Variants in ZCCHC7 observed in about 807,000 individuals in gnomAD.
ZCCHC7 encodes zinc finger CCHC domain-containing protein 7.
A neutral mutation model predicts 52.0 loss-of-function variants in ZCCHC7; 35 were observed. That is an observed-to-expected ratio of 0.67 (90% CI 0.51 to 0.89). ZCCHC7 has a LOEUF of 0.89. ZCCHC7 is among the 40% of genes least tolerant of loss of function. The pLI, the probability that ZCCHC7 is intolerant of heterozygous loss-of-function variation, is 0.00. For synonymous variants in ZCCHC7, 217 were observed against 221.5 expected, an observed-to-expected ratio of 0.98 and a Z score of 0.18; for missense variants, 574 against 649.1, an observed-to-expected ratio of 0.88 and a Z score of 1.26.
chr9:37,267,196 A>C (rs1827146407), intron 2 of ZCCHC7, among the ~76,000 whole-genome samples: 1 of 152,184 alleles, frequency 6.6e-6, no homozygotes, highest in Non-Finnish European at 1.5e-5. Flanking sequence ...TATTCTGATG[A>C]CCTGTTTTGA....
intron 2 of ZCCHC7, among the ~76,000 whole-genome samples, chr9:37,170,795 C>T (rs962743101): frequency 4.6e-5 from 7 of 152,116 alleles, no homozygotes; most frequent in Non-Finnish European, 1.0e-4. Context: ...TCTCATTGTC[C>T]CAACCTTTTA....
intron 2 of ZCCHC7, among the ~76,000 whole-genome samples, chr9:37,246,732 A>G (rs1206780128): frequency 2.0e-5 from 3 of 152,182 alleles, no homozygotes; most frequent in Non-Finnish European, 4.4e-5. Context: ...TCAACTAACC[A>G]TGGGTGGAAA....
At chr9:37,140,763 T>G (rs1843185719) in intron 2 of ZCCHC7, among the ~76,000 whole-genome samples, 1 of 151,904 alleles carries the variant, frequency 6.6e-6, no homozygotes, top group African/African-American at 2.4e-5. Context: ...GTCAGAGGAG[T>G]TCAAGTCGAT....
intron 6 of ZCCHC7, among the ~76,000 whole-genome samples, chr9:37,336,551 A>C (rs1444595943): frequency 6.6e-6 from 1 of 152,084 alleles, no homozygotes; most frequent in Non-Finnish European, 1.5e-5. Flanking sequence ...AAAAATGAAA[A>C]TCTTGGGGTT....
chr9:37,216,976 T>A (rs1824542045), intron 2 of ZCCHC7, among the ~76,000 whole-genome samples: 1 of 152,164 alleles, frequency 6.6e-6, no homozygotes, highest in African/African-American at 2.4e-5. Context: ...AGGAAAATAC[T>A]ATAAAATGCA....
intron 6 of ZCCHC7, among the ~76,000 whole-genome samples, chr9:37,345,013 C>T (rs77746690): frequency 0.052 from 7,850 of 152,218 alleles, 659 homozygotes; most frequent in African/African-American, 0.18. Context: ...GGAAAAGTGA[C>T]CTATGTTCTG....
intron 2 of ZCCHC7, among the ~76,000 whole-genome samples, chr9:37,193,896 T>C (rs1823148229): frequency 1.3e-5 from 2 of 152,182 alleles, no homozygotes; most frequent in African/African-American, 4.8e-5. Context: ...CCATGAAGCT[T>C]GTCCTGTGTG....
chr9:37,287,861 A>G (rs1369751828), intron 2 of ZCCHC7, among the ~76,000 whole-genome samples: 1 of 151,992 alleles, frequency 6.6e-6, no homozygotes, highest in East Asian at 1.9e-4. Context: ...TTGCTCCATA[A>G]AAGTATTCTG....
intron 2 of ZCCHC7, among the ~76,000 whole-genome samples, chr9:37,261,972 T>A (rs540176085): frequency 8.5e-5 from 13 of 152,276 alleles, no homozygotes; most frequent in African/African-American, 2.4e-4. Context: ...CGCACACTCA[T>A]TGCGTGAAAG....
intron 2 of ZCCHC7, among the ~76,000 whole-genome samples, chr9:37,177,738 T>C (rs934259482): frequency 1.3e-5 from 2 of 152,166 alleles, no homozygotes; most frequent in Non-Finnish European, 2.9e-5. Flanking sequence ...GTGGTTTTCT[T>C]TTCCCAAAAC....
intron 7 of ZCCHC7, among the ~76,000 whole-genome samples, chr9:37,351,381 C>A (rs1821369581): frequency 6.6e-6 from 1 of 152,158 alleles, no homozygotes; most frequent in Admixed American, 6.5e-5. Flanking sequence ...TCTCAGCTCA[C>A]TGCAGCTTTG....
chr9:37,170,088 TA>T (rs1344318260), intron 2 of ZCCHC7, among the ~76,000 whole-genome samples: 2 of 151,824 alleles, frequency 1.3e-5, no homozygotes, highest in Non-Finnish European at 1.5e-5. Flanking sequence ...AGAAAAAGAA[TA>T]AAAAAGTCTA....
intron 2 of ZCCHC7, among the ~76,000 whole-genome samples, chr9:37,292,411 CAACT>C (rs1489569742): frequency 1.2e-4 from 18 of 152,000 alleles, no homozygotes; most frequent in Non-Finnish European, 4.4e-5. Flanking sequence ...GTAAATGAAA[CAACT>C]AAACTGCTAT....
At chr9:37,153,956 C>G (rs1348009875) in intron 2 of ZCCHC7, among the ~76,000 whole-genome samples, 1 of 152,124 alleles carries the variant, frequency 6.6e-6, no homozygotes, top group Non-Finnish European at 1.5e-5. Flanking sequence ...GTGGTACAAT[C>G]ACGGTTCATT....
chr9:37,237,717 C>T (rs1256644195), intron 2 of ZCCHC7, among the ~76,000 whole-genome samples: 1 of 152,180 alleles, frequency 6.6e-6, no homozygotes, highest in Non-Finnish European at 1.5e-5. Flanking sequence ...AGAGATGTGA[C>T]ATGCAAGTTT....
At chr9:37,253,125 GTC>G (rs1265576367) in intron 2 of ZCCHC7, among the ~76,000 whole-genome samples, 1 of 151,882 alleles carries the variant, frequency 6.6e-6, no homozygotes, top group Non-Finnish European at 1.5e-5. Flanking sequence ...ATTCTAAAAG[GTC>G]TATAGATACG....
intron 2 of ZCCHC7, among the ~76,000 whole-genome samples, chr9:37,260,410 C>T (rs1039727191): frequency 1.3e-5 from 2 of 152,206 alleles, no homozygotes; most frequent in South Asian, 4.1e-4. Flanking sequence ...TGACATATTT[C>T]CTCTGTTCTG....
chr9:37,282,792 A>G (rs13283208), intron 2 of ZCCHC7, among the ~76,000 whole-genome samples: 1 of 146,090 alleles, frequency 6.8e-6, no homozygotes, highest in African/African-American at 2.5e-5. Context: ...TGTTTTTGCC[A>G]CTGCACTCCA....
chr9:37,283,309 A>G (rs986043420), intron 2 of ZCCHC7, among the ~76,000 whole-genome samples: 1 of 152,190 alleles, frequency 6.6e-6, no homozygotes, highest in African/African-American at 2.4e-5. Context: ...TATATAATCT[A>G]AGTTCCCATA....
Sources: allele counts gnomAD v4.1 joint callset (sites outside exome capture counted in the v4.1 genomes callset), GRCh38; gene constraint gnomAD v4.1.1; transcripts MANE v1.5; gene names NCBI Gene and HGNC (gene_info 2026-07-23, HGNC 2026-07-21).